The following MBOAT2 variants were observed in gnomAD, a reference collection of about 807,000 sequenced individuals.
The protein encoded by MBOAT2 is membrane-bound glycerophospholipid O-acyltransferase 2.
In MBOAT2, 28 loss-of-function variants were observed where a neutral mutation model predicts 63.4. The ratio of observed to expected loss-of-function variants is 0.44; its 90% CI spans 0.33 to 0.61. The LOEUF (loss-of-function observed/expected upper bound fraction) is 0.61. Ranked by LOEUF, MBOAT2 falls within the 20% of genes least tolerant of loss-of-function variation. The pLI, the probability that MBOAT2 is intolerant of heterozygous loss-of-function variation, is 0.03. For synonymous variants in MBOAT2, 211 were observed against 215.6 expected, an observed-to-expected ratio of 0.98 and a Z score of 0.19; for missense variants, 470 against 605.8, an observed-to-expected ratio of 0.78 and a Z score of 2.35.
intron 5 of MBOAT2, among the ~76,000 whole-genome samples, chr2:8,885,918 G>C (rs796672354): frequency 6.6e-6 from 1 of 152,222 alleles, no homozygotes; most frequent in African/African-American, 2.4e-5. Context: ...ACATAGTTCT[G>C]AGAATGCTAT....
chr2:8,862,486 C>A lies in MBOAT2; in HGVS notation c.1185+104G>T. 6.9e-7 allele frequency: 1 copy of A among 1,443,066 alleles called. No individual in the cohort carries two copies. Among genetic ancestry groups the A allele is most frequent in the Non-Finnish European group, 9.4e-7 (1 of 1,061,008 alleles). 89.4% of individuals were successfully genotyped at this position (1,443,066 alleles called of 1,614,324 possible). A position where few individuals can be genotyped will look rare whatever the true frequency, so the allele number is the denominator to read the frequency against. ...CTTCTAGTGGAAAGGACAATACTGA[C>A]CACGACCAAGGAAAGAGGGTCTACC... On this transcript the variant is annotated intron_variant, in intron 11 of 12. Coordinates refer to ENST00000305997, the MANE Select transcript of MBOAT2 (RefSeq NM_138799.4). This position sits in a 1 kb window ranked among gnomAD's most constrained non-coding sequence, Gnocchi z 4.3.
At position 8,862,445 on chromosome 2, in the gene MBOAT2, C is replaced by T. The variant is rs1661561496; in HGVS notation, c.1185+145G>A. 6 of 1,303,452 alleles carry T rather than the reference C, an allele frequency of 4.6e-6. No individual in the cohort carries two copies. Among genetic ancestry groups the T allele is most frequent in the Non-Finnish European group, 6.3e-6 (6 of 949,250 alleles). 80.7% of individuals were successfully genotyped at this position (1,303,452 alleles called of 1,614,324 possible). ...GTGGTGAGCGCTCAGCAAACATGCA[C>T]GCAGTACACACCTCGCTTCTAGTGG... On this transcript the variant is annotated intron_variant, in intron 11 of 12. Transcript: ENST00000305997. This position sits in a 1 kb window ranked among gnomAD's most constrained non-coding sequence, Gnocchi z 4.3.
At chr2:8,955,994 C>T (rs1669192958) in intron 2 of MBOAT2, among the ~76,000 whole-genome samples, 1 of 152,020 alleles carries the variant, frequency 6.6e-6, no homozygotes, top group Non-Finnish European at 1.5e-5. Flanking sequence ...TTTTTTTAGA[C>T]ATAATTATAT....
chr2:8,921,872 T>C (rs1666595612), intron 3 of MBOAT2, among the ~76,000 whole-genome samples: 1 of 152,186 alleles, frequency 6.6e-6, no homozygotes, highest in South Asian at 2.1e-4. Context: ...TTATCCTACT[T>C]GAGGTCTGTT....
chr2:8,965,193 T>C (rs1043145387), intron 1 of MBOAT2, among the ~76,000 whole-genome samples: 5 of 152,218 alleles, frequency 3.3e-5, no homozygotes, highest in Non-Finnish European at 5.9e-5. Context: ...AATTATATCA[T>C]TGAGTAAGAG....
At chr2:8,873,005 T>C (rs10210755) in intron 8 of MBOAT2, 103 bp downstream of exon 8, 1 of 986,114 alleles carries the variant, frequency 1.0e-6, no homozygotes, top group South Asian at 2.5e-5. Context: ...ATTTTTCCAA[T>C]TGGTCTTTAT....
intron 4 of MBOAT2, among the ~76,000 whole-genome samples, chr2:8,904,015 C>T (rs1171740869): frequency 3.3e-5 from 5 of 151,648 alleles, no homozygotes; most frequent in African/African-American, 9.7e-5. Flanking sequence ...ACAGCTCTGT[C>T]GCCCAGGCTG....
intron 1 of MBOAT2, among the ~76,000 whole-genome samples, chr2:8,986,585 G>A (rs977313375): frequency 1.3e-5 from 2 of 151,800 alleles, no homozygotes; most frequent in East Asian, 1.9e-4. Flanking sequence ...AAAGTAATAC[G>A]GTAGCCTGCA....
intron 4 of MBOAT2, among the ~76,000 whole-genome samples, chr2:8,907,659 T>A (rs1012838672): frequency 6.6e-6 from 1 of 152,216 alleles, no homozygotes; most frequent in Non-Finnish European, 1.5e-5. Flanking sequence ...GATTAACTAG[T>A]TTTTTAGTGC....
intron 1 of MBOAT2, among the ~76,000 whole-genome samples, chr2:8,961,527 T>C (rs1448036664): frequency 6.6e-6 from 1 of 152,062 alleles, no homozygotes; most frequent in Non-Finnish European, 1.5e-5. Flanking sequence ...CACAGGGGAC[T>C]GTTACACAAA....
chr2:8,869,070 A>T (rs1662117001), intron 8 of MBOAT2, among the ~76,000 whole-genome samples: 1 of 152,072 alleles, frequency 6.6e-6, no homozygotes, highest in African/African-American at 2.4e-5. Flanking sequence ...AAAAATAGAG[A>T]CAGGGTCTCC....
rs1672853305 is a variant in MBOAT2 at position 9,003,408 on chromosome 2, G to A, written c.75+132C>T. ...GGCTTGTTGCCCCCTCCCTTCCAGG[G>A]AGCGGCGGGTAGGGGGGCACCGGGC... On this transcript the variant is annotated intron_variant, in intron 1 of 12. Transcript: ENST00000305997. This position sits in a 1 kb window ranked among gnomAD's most constrained non-coding sequence, Gnocchi z 5.4. 1 of 383,072 alleles carries A rather than the reference G, an allele frequency of 2.6e-6. No homozygotes were observed. Among genetic ancestry groups the A allele is most frequent in the African/African-American group, 2.2e-5 (1 of 46,128 alleles). The allele number at this position is 383,072 out of a possible 1,614,324, so 23.7% of individuals were successfully genotyped here. A position where few individuals can be genotyped will look rare whatever the true frequency, so the allele number is the denominator to read the frequency against.
At chr2:8,965,386 T>C (rs1203160500) in intron 1 of MBOAT2, among the ~76,000 whole-genome samples, 1 of 152,172 alleles carries the variant, frequency 6.6e-6, no homozygotes, top group African/African-American at 2.4e-5. Flanking sequence ...GTGTTATCTC[T>C]ACTTTAAAAG....
At chr2:8,910,513 A>C (rs1665640591) in intron 3 of MBOAT2, among the ~76,000 whole-genome samples, 1 of 152,226 alleles carries the variant, frequency 6.6e-6, no homozygotes, top group African/African-American at 2.4e-5. Flanking sequence ...CATAATCAAA[A>C]CAGAAACTGG....
At chr2:8,889,939 CGCTGGGAGGACGGGTGACATGTG>C (rs925590421) in intron 4 of MBOAT2, among the ~76,000 whole-genome samples, 5 of 152,060 alleles carry the variant, frequency 3.3e-5, no homozygotes, top group African/African-American at 9.7e-5. Context: ...AAGTAAGCTG[CGCTGGGAGGACGGGTGACATGTG>C]GCTGGGAGGA....
intron 3 of MBOAT2, among the ~76,000 whole-genome samples, chr2:8,932,210 G>A (rs1479051098): frequency 6.6e-6 from 1 of 151,976 alleles, no homozygotes; most frequent in African/African-American, 2.4e-5. Context: ...TTAGTCAGTT[G>A]ATATTAAAAT....
chr2:8,897,322 T>A (rs990429290), intron 4 of MBOAT2, among the ~76,000 whole-genome samples: 2 of 152,154 alleles, frequency 1.3e-5, no homozygotes, highest in Non-Finnish European at 2.9e-5. Context: ...ATGCTGCTGT[T>A]CTCCCCTCTC....
chr2:8,879,555 A>T (rs1332867545), intron 6 of MBOAT2, among the ~76,000 whole-genome samples: 1 of 152,194 alleles, frequency 6.6e-6, no homozygotes, highest in Admixed American at 6.5e-5. Context: ...TGTTGTCTCA[A>T]GCTTGGGCTT....
rs1661126441 is a variant in MBOAT2 at position 8,856,864 on chromosome 2, TCAATGCATGGGAAAA to T, written c.*1800_*1814del. 1 of 152,164 alleles carries T rather than the reference TCAATGCATGGGAAAA, an allele frequency of 6.6e-6. No homozygotes were observed. The highest frequency in any genetic ancestry group is 2.1e-4 in the South Asian group (1 of 4,826). 9.4% of individuals were successfully genotyped at this position (152,164 alleles called of 1,614,324 possible). A position where few individuals can be genotyped will look rare whatever the true frequency, so the allele number is the denominator to read the frequency against. ...GCCACCATGCTCAGCCAACATAATT[TCAATGCATGGGAAAA>T]CAGAGGAAATTTATTTAGTTATCAA... On this transcript the variant is annotated 3_prime_UTR_variant, in exon 13 of 13. Transcript: ENST00000305997. This position sits in a 1 kb window ranked among gnomAD's most constrained non-coding sequence, Gnocchi z 4.2.
Sources: gnomAD v4.1 joint callset for allele counts (sites outside exome capture counted in the v4.1 genomes callset) on GRCh38, gnomAD v4.1.1 for gene constraint, Gnocchi (gnomAD v3.1) non-coding constraint, MANE v1.5 for transcripts, NCBI Gene and HGNC (gene_info 2026-07-23, HGNC 2026-07-21) for gene names.